The following C2orf78 variants were observed in gnomAD, a reference collection of about 807,000 sequenced individuals.
The protein encoded by C2orf78 is uncharacterized protein C2orf78.
Under a neutral mutation model 21.4 loss-of-function variants are expected in C2orf78, and 12 were observed. That is an observed-to-expected ratio of 0.56 (90% confidence interval 0.36 to 0.91). The LOEUF (loss-of-function observed/expected upper bound fraction) is 0.91, where lower values mean the gene tolerates loss of function less well. C2orf78 is among the 40% of genes least tolerant of loss of function. The pLI is 0.01. For synonymous variants in C2orf78, 396 were observed against 413.9 expected (o/e 0.96, Z 0.52); for missense variants, 1,042 against 1,092.4 (o/e 0.95, Z 0.65).
rs1388944048 is a variant in C2orf78, at chr2:73,808,146, A to C, written c.98-5331A>C. Among the ~76,000 whole-genome samples, 64 of 151,002 alleles carry C rather than the reference A, an allele frequency of 4.2e-4. 5 individuals are homozygous for C. The highest frequency in any genetic ancestry group is 3.4e-3 in the Middle Eastern group (1 of 294). ...GCAGGCGCCTGTAGTCCCAGCTACT[A>C]AGGAGTCTGAGGCAGGAGAATGGCG... On this transcript the variant is annotated intron_variant, in intron 1 of 2. Transcript: ENST00000409561.
In C2orf78 at chr2:73,807,046, T is replaced by G. The variant is rs1039123078; in HGVS notation, c.98-6431T>G. On this transcript the variant is annotated intron_variant, in intron 1 of 2. Transcript: ENST00000409561. ...AATACAAAAAATTAGCCGGGCATGG[T>G]GGCGAGTACCTGTAATCCCAGCTAC... is the stretch of plus-strand genomic sequence containing the variant. Among the ~76,000 whole-genome samples, 43 of 144,408 alleles carry G rather than the reference T, an allele frequency of 3.0e-4. 3 individuals are homozygous for G. The highest frequency in any genetic ancestry group is 4.0e-4 in the Non-Finnish European group (27 of 66,796). The allele number at this position is 144,408 out of a possible 152,430, so 94.7% of individuals were successfully genotyped here. A position where few individuals can be genotyped will look rare whatever the true frequency, so the allele number is the denominator to read the frequency against.
At chr2:73,785,740 A>G (rs1210660056) in intron 1 of C2orf78, among the ~76,000 whole-genome samples, 1 of 152,002 alleles carries the variant, frequency 6.6e-6, no homozygotes, top group Non-Finnish European at 1.5e-5. Flanking sequence ...TTTGTAATAT[A>G]AACATTTTGG....
At chr2:73,808,837 C>T (rs1477190673) in intron 1 of C2orf78, 16 of 1,360,032 alleles carry the variant, frequency 1.2e-5, no homozygotes, top group East Asian at 2.5e-5. Context: ...CCCAGACATC[C>T]GCTAGTATCG....
chr2:73,816,462 G>C, exon 3 of C2orf78: 4 of 1,613,926 alleles, frequency 2.5e-6, no homozygotes, highest in Non-Finnish European at 2.5e-6. Context: ...ACGTAGGCCT[G>C]CTGTGGCTTA....
exon 2 of C2orf78, chr2:73,814,124 G>A (rs1351231465): frequency 1.2e-6 from 2 of 1,612,504 alleles, no homozygotes; most frequent in Non-Finnish European, 1.7e-6. Context: ...AATGGTGATG[G>A]TGCTGAAGGA....
chr2:73,812,519 G>A (rs752521795), intron 1 of C2orf78, among the ~76,000 whole-genome samples: 1 of 152,034 alleles, frequency 6.6e-6, no homozygotes, highest in Non-Finnish European at 1.5e-5. Flanking sequence ...AGCATTTCTT[G>A]GCCAGGCATT....
exon 3 of C2orf78, chr2:73,816,749 A>T: frequency 6.2e-7 from 1 of 1,613,952 alleles, no homozygotes; most frequent in East Asian, 2.2e-5. Flanking sequence ...CCAAGCCTCA[A>T]AATCAATTTC....
chr2:73,785,717 T>A (rs1672912055), intron 1 of C2orf78, among the ~76,000 whole-genome samples: 2 of 151,988 alleles, frequency 1.3e-5, no homozygotes, highest in Non-Finnish European at 2.9e-5. Context: ...TGAACATAGA[T>A]GACACTTGAC....
chr2:73,814,942 C>A (rs1306669088), intron 2 of C2orf78, 129 bp from the exon 3 acceptor site: 2 of 799,562 alleles, frequency 2.5e-6, no homozygotes, highest in Non-Finnish European at 4.0e-6. Flanking sequence ...CAGGGTCTTG[C>A]CCATGGTCCT....
exon 3 of C2orf78, chr2:73,817,123 T>C: frequency 9.1e-7 from 1 of 1,093,338 alleles, no homozygotes; most frequent in Non-Finnish European, 1.2e-6. Flanking sequence ...AATAGATAAG[T>C]AATAAAGAGG....
chr2:73,816,930 C>G, exon 3 of C2orf78: 1 of 1,612,386 alleles, frequency 6.2e-7, no homozygotes, highest in Non-Finnish European at 8.5e-7. Flanking sequence ...GGGGAAAGTG[C>G]AGTTTTTCAT....
At chr2:73,817,055 AATTT>A (rs1203508022) in exon 3 of C2orf78, 2 of 1,414,778 alleles carry the variant, frequency 1.4e-6, no homozygotes, top group Non-Finnish European at 1.9e-6. Context: ...GATAGATACT[AATTT>A]ATTTATTCTG....
At chr2:73,809,020 A>G (rs1053480982) in intron 1 of C2orf78, 12 of 620,052 alleles carry the variant, frequency 1.9e-5, no homozygotes, top group Non-Finnish European at 3.2e-5. Context: ...TGAAGTAGAA[A>G]TCCAGAGACC....
chr2:73,810,202 G>A (rs1333104722), intron 1 of C2orf78, among the ~76,000 whole-genome samples: 1 of 151,968 alleles, frequency 6.6e-6, no homozygotes, highest in Admixed American at 6.6e-5. Context: ...GAACATAGAT[G>A]ACACTTGACA....
chr2:73,816,365 G>A (rs1673197730), exon 3 of C2orf78: 8 of 1,613,812 alleles, frequency 5.0e-6, no homozygotes, highest in Non-Finnish European at 6.8e-6. Flanking sequence ...CACCACCTGG[G>A]AAGGTCAAGT....
intron 1 of C2orf78, among the ~76,000 whole-genome samples, chr2:73,785,590 T>C (rs1672909896): frequency 6.7e-6 from 1 of 149,256 alleles, no homozygotes; most frequent in Non-Finnish European, 1.5e-5. Context: ...CAAAATGAAG[T>C]TGATTTTAGC....
chr2:73,816,530 A>G, exon 3 of C2orf78: 1 of 1,613,806 alleles, frequency 6.2e-7, no homozygotes, highest in Non-Finnish European at 8.5e-7. Context: ...ATCCATCCCG[A>G]CCAGCTCCTA....
At chr2:73,810,298 A>C (rs1357142011) in intron 1 of C2orf78, among the ~76,000 whole-genome samples, 3 of 152,000 alleles carry the variant, frequency 2.0e-5, no homozygotes, top group African/African-American at 7.3e-5. Flanking sequence ...TGGGAGGCCG[A>C]GGTGGGCTGA....
At chr2:73,816,721 C>T in exon 3 of C2orf78, 1 of 1,614,008 alleles carries the variant, frequency 6.2e-7, no homozygotes, top group Non-Finnish European at 8.5e-7. Flanking sequence ...ACTGCTGTGA[C>T]CAGTCTCCGG....
Sources: gnomAD v4.1 joint callset for allele counts (sites outside exome capture counted in the v4.1 genomes callset) on GRCh38, gnomAD v4.1.1 for gene constraint, MANE v1.5 for transcripts, NCBI Gene and HGNC (gene_info 2026-07-23, HGNC 2026-07-21) for gene names.